CCDC191: variants seen among roughly 807,000 people sequenced by gnomAD.
CCDC191 encodes coiled-coil domain containing 191.
In CCDC191, 99 loss-of-function variants were observed where a neutral mutation model predicts 114.0. The observed-to-expected ratio is 0.87, with a 90% CI of 0.74 to 1.03. CCDC191 has a LOEUF of 1.03. Ranked by LOEUF, CCDC191 falls within the 50% of genes least tolerant of loss-of-function variation. The probability of loss-of-function intolerance (pLI) is 0.00; values close to 1 mark genes in which losing one functional copy is unlikely to be tolerated. For synonymous variants in CCDC191, 351 were observed against 376.0 expected (o/e 0.93, Z 0.77); for missense variants, 973 against 1,087.0 (o/e 0.90, Z 1.47).
At chr3:114,006,951 A>G (rs2075982167) in intron 9 of CCDC191, among the ~76,000 whole-genome samples, 1 of 150,858 alleles carries the variant, frequency 6.6e-6, no homozygotes, top group African/African-American at 2.4e-5. Context: ...AAATATCTGC[A>G]TTACAAACTA....
At chr3:113,974,324 GT>G (rs113527931) in intron 16 of CCDC191, among the ~76,000 whole-genome samples, 62 of 141,262 alleles carry the variant, frequency 4.4e-4, no homozygotes, top group East Asian at 6.1e-4. Flanking sequence ...GCTGTTTTTT[GT>G]TTTTTTTTTT....
intron 9 of CCDC191, among the ~76,000 whole-genome samples, chr3:114,006,593 T>TATATATATATATATATATATATATAA (rs1222743169): frequency 7.6e-6 from 1 of 132,266 alleles, no homozygotes; most frequent in South Asian, 2.3e-4. Context: ...TCCAGATATA[T>TATATATATATATATATATATATATAA]ATATATATAT....
chr3:114,046,717 A>G lies in CCDC191; in HGVS notation c.145T>C (p.Ser49Pro), dbSNP rs1391671639. ...AATGCATTTGACACTGCAAACTCTGAGGCTTTCTCCACTCTCTTCAATATA... is the reference window on the plus strand; with the variant it reads ...AATGCATTTGACACTGCAAACTCTGGGGCTTTCTCCACTCTCTTCAATATA... Reference protein sequence around the residue: ...EHWIKRVEKASEFAVSNAFFT... With the variant: ...EHWIKRVEKAPEFAVSNAFFT... The change falls in exon 3 of 17, where the codon TCA becomes CCA. Residue 49 changes from serine (S) to proline (P), a missense_variant. Ser to Pro is a moderately conservative substitution (Grantham distance 74). Coordinates refer to ENST00000295878, the MANE Select transcript of CCDC191 (RefSeq NM_020817.2). The G allele has an allele frequency of 6.2e-7, 1 of 1,611,950 alleles. No individual in the cohort carries two copies. The highest frequency in any genetic ancestry group is 8.5e-7 in the Non-Finnish European group (1 of 1,178,708).
At chr3:114,056,272 G>T in intron 1 of CCDC191, 105 bp downstream of exon 1, 1 of 1,074,070 alleles carries the variant, frequency 9.3e-7, no homozygotes, top group Non-Finnish European at 1.4e-6. Flanking sequence ...GGGCGTGTCA[G>T]CTCAGGATGA....
chr3:114,050,219 C>T (rs1431336240), intron 2 of CCDC191, among the ~76,000 whole-genome samples: 1 of 152,160 alleles, frequency 6.6e-6, no homozygotes, highest in African/African-American at 2.4e-5. Context: ...GACATCAATC[C>T]CATGGTCCAC....
intron 7 of CCDC191, among the ~76,000 whole-genome samples, chr3:114,025,169 C>CA (rs1454003158): frequency 6.8e-6 from 1 of 146,278 alleles, no homozygotes; most frequent in Non-Finnish European, 1.5e-5. Context: ...CGGCTATAGA[C>CA]AAAAAAACTA....
At chr3:114,003,080 G>A (rs1052040951) in intron 11 of CCDC191, 1 of 985,320 alleles carries the variant, frequency 1.0e-6, no homozygotes, top group Non-Finnish European at 1.2e-6. Flanking sequence ...ATATACAGAT[G>A]GGCAGGAAAT....
chr3:113,982,824 G>A (rs1348025636), intron 13 of CCDC191, among the ~76,000 whole-genome samples: 2 of 147,824 alleles, frequency 1.4e-5, no homozygotes, highest in African/African-American at 2.5e-5. Flanking sequence ...ATGCAAATAT[G>A]TGCCAGTATC....
intron 7 of CCDC191, among the ~76,000 whole-genome samples, chr3:114,025,243 C>A (rs2076303200): frequency 1.3e-5 from 2 of 150,108 alleles, no homozygotes; most frequent in Non-Finnish European, 1.5e-5. Context: ...TTTTCTCCTT[C>A]CTCATTTCAA....
Position 113,995,193 on chromosome 3 carries a change from C to T in CCDC191, c.2163+6402G>A, listed in dbSNP as rs753733804. On this transcript the variant is annotated intron_variant, in intron 13 of 16. Transcript: ENST00000295878. ...GTGTTTGCCAGGGGTTAGGGGCTGGCGGATGTCCCACTGGGTACAATGTTC... is the reference window on the plus strand; with the variant it reads ...GTGTTTGCCAGGGGTTAGGGGCTGGTGGATGTCCCACTGGGTACAATGTTC... Among the ~76,000 whole-genome samples, 107 of 152,124 alleles carry T rather than the reference C, an allele frequency of 7.0e-4. 1 individual carries two copies. The Middle Eastern group carries it at 0.01, about 15-fold the overall frequency.
intron 14 of CCDC191, 149 bp from the exon 15 acceptor site, chr3:113,979,159 T>A: frequency 2.7e-6 from 2 of 738,182 alleles, no homozygotes; most frequent in East Asian, 5.4e-5. Context: ...TCCTAAAAGC[T>A]TTGACTGTTG....
intron 15 of CCDC191, 107 bp downstream of exon 15, chr3:113,978,751 G>T: frequency 8.2e-7 from 1 of 1,226,232 alleles, no homozygotes; most frequent in Non-Finnish European, 1.2e-6. Flanking sequence ...CTACTCTTTT[G>T]TTCTTGAAAA....
intron 2 of CCDC191, among the ~76,000 whole-genome samples, 188 bp downstream of exon 2, chr3:114,053,409 G>A (rs1016374823): frequency 1.1e-4 from 16 of 151,938 alleles, no homozygotes; most frequent in East Asian, 3.9e-4. Context: ...TACTTAAATG[G>A]TATCATGAGA....
At chr3:113,990,434 A>G (rs547017358) in intron 13 of CCDC191, among the ~76,000 whole-genome samples, 1 of 152,114 alleles carries the variant, frequency 6.6e-6, no homozygotes, top group Admixed American at 6.5e-5. Context: ...AAGAAATAGA[A>G]TATGTTATTT....
intron 16 of CCDC191, among the ~76,000 whole-genome samples, chr3:113,971,829 C>CT (rs1235558813): frequency 2.0e-5 from 3 of 151,914 alleles, no homozygotes; most frequent in Non-Finnish European, 4.4e-5. Flanking sequence ...TTAGGTGAGA[C>CT]TTTTTAATTA....
chr3:114,036,886 A>G, intron 4 of CCDC191, 100 bp from the exon 5 acceptor site: 1 of 758,340 alleles, frequency 1.3e-6, no homozygotes, highest in East Asian at 3.2e-5. Context: ...ATAAAAATAC[A>G]AAGCTGCGAG....
intron 16 of CCDC191, among the ~76,000 whole-genome samples, chr3:113,976,256 C>T (rs1457953990): frequency 6.6e-6 from 1 of 150,988 alleles, no homozygotes; most frequent in Non-Finnish European, 1.5e-5. Context: ...AAGACTTTGT[C>T]TCAGGGTAAA....
chr3:113,978,818 C>T (rs201239950), intron 15 of CCDC191, 40 bp downstream of exon 15: 5 of 1,584,530 alleles, frequency 3.2e-6, no homozygotes, highest in Non-Finnish European at 4.3e-6. Flanking sequence ...TAGAATTGAG[C>T]AATGAGATGT....
At chr3:114,018,636 CTAGA>C (rs762984483) in intron 8 of CCDC191, 38 bp downstream of exon 8, 3 of 1,489,430 alleles carry the variant, frequency 2.0e-6, no homozygotes, top group East Asian at 4.6e-5. Flanking sequence ...GGGAAATATC[CTAGA>C]TAAACATACT....
Sources: gnomAD v4.1 joint callset for allele counts (sites outside exome capture counted in the v4.1 genomes callset) on GRCh38, gnomAD v4.1.1 for gene constraint, MANE v1.5 for transcripts, NCBI Gene and HGNC (gene_info 2026-07-23, HGNC 2026-07-21) for gene names.